The following DMRT1 variants were observed in gnomAD, a reference collection of about 807,000 sequenced individuals.
The protein encoded by DMRT1 is doublesex and mab-3 related transcription factor 1.
In DMRT1, 7 loss-of-function variants were observed where a neutral mutation model predicts 32.3. The observed-to-expected ratio is 0.22, with a 90% CI of 0.12 to 0.41. The LOEUF is 0.41. DMRT1 is among the 10% of genes least tolerant of loss of function. The pLI is 1.00. For missense variants in DMRT1, 625 were observed against 500.5 expected (o/e 1.25, Z -2.37); for synonymous variants, 278 against 206.1 (o/e 1.35, Z -2.99).
At chr9:871,470 C>G (rs898415761) in intron 2 of DMRT1, among the ~76,000 whole-genome samples, 2 of 148,060 alleles carry the variant, frequency 1.4e-5, no homozygotes, top group African/African-American at 5.0e-5. Flanking sequence ...GTAGCTGGGA[C>G]TACAGGCATG....
At chr9:898,911 G>C (rs1451178747) in intron 3 of DMRT1, among the ~76,000 whole-genome samples, 3 of 152,066 alleles carry the variant, frequency 2.0e-5, no homozygotes, top group African/African-American at 4.8e-5. Flanking sequence ...CCATGAACAT[G>C]GAATATCTTT....
chr9:966,314 T>C (rs1481251911), intron 4 of DMRT1, among the ~76,000 whole-genome samples: 1 of 152,230 alleles, frequency 6.6e-6, no homozygotes, highest in Non-Finnish European at 1.5e-5. Context: ...GCGTGCTTTT[T>C]TGTTATGAAA....
At chr9:858,871 ATATATAT>A (rs1241954506) in intron 2 of DMRT1, among the ~76,000 whole-genome samples, 11 of 34,780 alleles carry the variant, frequency 3.2e-4, no homozygotes, top group African/African-American at 9.2e-4. Flanking sequence ...AAAAAAAAAA[ATATATAT>A]ATATATATAT....
At chr9:960,006 A>G (rs1257006954) in intron 4 of DMRT1, among the ~76,000 whole-genome samples, 1 of 152,256 alleles carries the variant, frequency 6.6e-6, no homozygotes, top group African/African-American at 2.4e-5. Flanking sequence ...TGGATGGTAG[A>G]CATTCGCAGC....
intron 4 of DMRT1, among the ~76,000 whole-genome samples, chr9:942,987 TC>T (rs529735082): frequency 2.1e-5 from 3 of 146,288 alleles, no homozygotes; most frequent in Non-Finnish European, 3.0e-5. Flanking sequence ...TGCACACCCC[TC>T]CCCCCAACCC....
chr9:924,766 T>G (rs1466094617), intron 4 of DMRT1, among the ~76,000 whole-genome samples: 1 of 152,218 alleles, frequency 6.6e-6, no homozygotes, highest in African/African-American at 2.4e-5. Flanking sequence ...GTTTGCCAAG[T>G]AAAACACACC....
At position 899,261 on chromosome 9, in the gene DMRT1, CT is replaced by C. The variant is rs568887448; in HGVS notation, c.822+5067del. Reference sequence around the variant, plus strand: ...GATTCCTAGAAAAAAAAAACTGACTCTAGTGGAGATCGTCATAACTTTTTAA... The same window carrying C: ...GATTCCTAGAAAAAAAAAACTGACTCAGTGGAGATCGTCATAACTTTTTAA... On this transcript the variant is annotated intron_variant, in intron 3 of 4. Transcript: ENST00000382276. Among the ~76,000 whole-genome samples the C allele has an allele frequency of 5.9e-5, 9 of 152,086 alleles. 1 individual carries two copies. The South Asian group carries it at 1.9e-3, about 32-fold the overall frequency.
intron 4 of DMRT1, among the ~76,000 whole-genome samples, chr9:957,774 C>T (rs1819645037): frequency 6.6e-6 from 1 of 152,184 alleles, no homozygotes; most frequent in Non-Finnish European, 1.5e-5. Flanking sequence ...CTTTGGGAGG[C>T]TGAGGCAGGT....
chr9:849,202 G>C (rs1839036608), intron 2 of DMRT1, among the ~76,000 whole-genome samples: 1 of 152,130 alleles, frequency 6.6e-6, no homozygotes, highest in Non-Finnish European at 1.5e-5. Flanking sequence ...TTCCAGGCCT[G>C]TCTGGTTCCA....
At chr9:871,717 G>C (rs896056773) in intron 2 of DMRT1, among the ~76,000 whole-genome samples, 15 of 146,122 alleles carry the variant, frequency 1.0e-4, no homozygotes, top group Admixed American at 3.4e-4. Context: ...CTCGTGATTC[G>C]CCCGCCTCGG....
intron 3 of DMRT1, among the ~76,000 whole-genome samples, chr9:910,547 C>CA (rs1817936933): frequency 1.3e-5 from 2 of 150,930 alleles, no homozygotes; most frequent in African/African-American, 4.9e-5. Context: ...GAAGTGAACT[C>CA]AAACATTTTT....
At chr9:881,076 TG>T in intron 2 of DMRT1, among the ~76,000 whole-genome samples, 1 of 152,130 alleles carries the variant, frequency 6.6e-6, no homozygotes, top group African/African-American at 2.4e-5. Context: ...CAAAGTGGTC[TG>T]GGGTGTGGCC....
chr9:908,225 G>A (rs989090938), intron 3 of DMRT1, among the ~76,000 whole-genome samples: 1 of 152,150 alleles, frequency 6.6e-6, no homozygotes, highest in Non-Finnish European at 1.5e-5. Flanking sequence ...GGGGCCCAAG[G>A]TGAGAGGATC....
At chr9:911,825 C>T (rs913525233) in intron 3 of DMRT1, among the ~76,000 whole-genome samples, 3 of 152,116 alleles carry the variant, frequency 2.0e-5, no homozygotes, top group African/African-American at 7.2e-5. Context: ...GTTTATATTG[C>T]TACACATGCA....
chr9:957,208 CACCTGTCCTGAA>C (rs1819628445), intron 4 of DMRT1, among the ~76,000 whole-genome samples: 1 of 152,196 alleles, frequency 6.6e-6, no homozygotes, highest in Non-Finnish European at 1.5e-5. Flanking sequence ...AGCATGAGCT[CACCTGTCCTGAA>C]ACAATTAAAA....
chr9:923,859 A>AT (rs1219480323), intron 4 of DMRT1, among the ~76,000 whole-genome samples: 1 of 152,146 alleles, frequency 6.6e-6, no homozygotes, highest in Non-Finnish European at 1.5e-5. Flanking sequence ...ACGACTTATT[A>AT]TTTGCTAAAT....
chr9:961,392 C>T (rs1819768686), intron 4 of DMRT1, among the ~76,000 whole-genome samples: 1 of 152,172 alleles, frequency 6.6e-6, no homozygotes, highest in East Asian at 1.9e-4. Context: ...CCCAGAGTTC[C>T]CAACTTTTAG....
At chr9:887,976 T>A (rs1036329057) in intron 2 of DMRT1, among the ~76,000 whole-genome samples, 2 of 152,242 alleles carry the variant, frequency 1.3e-5, no homozygotes, top group African/African-American at 4.8e-5. Flanking sequence ...AAATACAACT[T>A]AAGGTCAAGA....
chr9:908,165 G>A (rs183250754), intron 3 of DMRT1, among the ~76,000 whole-genome samples: 8 of 152,290 alleles, frequency 5.3e-5, no homozygotes, highest in Non-Finnish European at 8.8e-5. Flanking sequence ...ATTCAGGATT[G>A]TTGTGGGCTG....
Sources: allele counts gnomAD v4.1 joint callset (sites outside exome capture counted in the v4.1 genomes callset), GRCh38; gene constraint gnomAD v4.1.1; transcripts MANE v1.5; gene names NCBI Gene and HGNC (gene_info 2026-07-23, HGNC 2026-07-21).